JAK1: variants seen among roughly 807,000 people sequenced by gnomAD.
JAK1 encodes Janus kinase 1, also known as tyrosine-protein kinase JAK1.
Under a neutral mutation model 136.6 loss-of-function variants are expected in JAK1, and 16 were observed. The ratio of observed to expected loss-of-function variants is 0.12; its 90% CI spans 0.08 to 0.18. The LOEUF is 0.18. Ranked by LOEUF, JAK1 falls within the 10% of genes least tolerant of loss-of-function variation. The pLI is 1.00. For missense variants in JAK1, 859 were observed against 1,450.1 expected (o/e 0.59, Z 6.62); for synonymous variants, 492 against 519.5 (o/e 0.95, Z 0.72).
intron 1 of JAK1, among the ~76,000 whole-genome samples, chr1:64,899,738 T>C (rs920462401): frequency 6.6e-6 from 1 of 152,194 alleles, no homozygotes; most frequent in South Asian, 2.1e-4. Flanking sequence ...GCATTTCAGA[T>C]AGGGGATACT....
intron 1 of JAK1, among the ~76,000 whole-genome samples, chr1:64,913,714 AGGG>A (rs1464399786): frequency 6.1e-5 from 1 of 16,452 alleles, no homozygotes; most frequent in South Asian, 2.2e-3. Context: ...GAAGGGAGGG[AGGG>A]AGGGAGGGAG....
At chr1:64,856,572 A>G (rs1162391842) in intron 10 of JAK1, among the ~76,000 whole-genome samples, 1 of 152,196 alleles carries the variant, frequency 6.6e-6, no homozygotes, top group Non-Finnish European at 1.5e-5. Flanking sequence ...GCACAGGCCA[A>G]TTCCACTTCA....
intron 2 of JAK1, among the ~76,000 whole-genome samples, chr1:65,014,682 C>G (rs537652644): frequency 6.6e-6 from 1 of 151,100 alleles, no homozygotes; most frequent in Non-Finnish European, 1.5e-5. Flanking sequence ...ATCTATTATT[C>G]TATTCTTTTT....
intron 1 of JAK1, among the ~76,000 whole-genome samples, chr1:64,898,344 G>A (rs1645056035): frequency 6.6e-6 from 1 of 152,160 alleles, no homozygotes; most frequent in East Asian, 1.9e-4. Context: ...CTTGTCCTTG[G>A]ATAAAAGGGA....
chr1:64,930,377 G>C (rs540853030), intron 1 of JAK1, among the ~76,000 whole-genome samples: 1 of 152,194 alleles, frequency 6.6e-6, no homozygotes, highest in East Asian at 1.9e-4. Flanking sequence ...ACATTTATGT[G>C]GCCAACAAAC....
intron 1 of JAK1, among the ~76,000 whole-genome samples, chr1:64,902,583 A>AGAGAGAGTGTGTGTGTGTGT: frequency 5.7e-4 from 42 of 73,792 alleles, no homozygotes; most frequent in Admixed American, 2.1e-3. Flanking sequence ...AGAGAGAGAG[A>AGAGAGAGTGTGTGTGTGTGT]GTGTGTGTGT....
chr1:64,920,279 T>A (rs116216001), intron 1 of JAK1, among the ~76,000 whole-genome samples: 3 of 152,274 alleles, frequency 2.0e-5, no homozygotes, highest in Non-Finnish European at 4.4e-5. Flanking sequence ...TGGTGGCACA[T>A]GTGTCATCCT....
intron 1 of JAK1, chr1:65,058,322 C>CA (rs1647639796): frequency 2.0e-6 from 1 of 506,338 alleles, no homozygotes; most frequent in Admixed American, 2.2e-5. Flanking sequence ...AGAAGTATGA[C>CA]AGAGGTGCAG....
intron 1 of JAK1, among the ~76,000 whole-genome samples, chr1:64,909,264 G>A (rs114411486): frequency 0.019 from 2,844 of 152,278 alleles, 52 homozygotes; most frequent in Non-Finnish European, 0.031. Flanking sequence ...TGCTGACAGG[G>A]AAGCTGGCAC....
At chr1:64,856,088 A>G (rs1277175482) in intron 10 of JAK1, among the ~76,000 whole-genome samples, 1 of 152,198 alleles carries the variant, frequency 6.6e-6, no homozygotes, top group African/African-American at 2.4e-5. Flanking sequence ...AGTCCAGCAG[A>G]TATTATATAT....
chr1:64,897,074 T>C (rs533576177), intron 1 of JAK1, among the ~76,000 whole-genome samples: 4 of 151,780 alleles, frequency 2.6e-5, no homozygotes, highest in African/African-American at 7.3e-5. Context: ...ACAAACAGGA[T>C]GAAAACAGGA....
intron 1 of JAK1, among the ~76,000 whole-genome samples, chr1:65,062,678 C>T (rs1393088685): frequency 6.6e-6 from 1 of 152,216 alleles, no homozygotes; most frequent in Non-Finnish European, 1.5e-5. Context: ...TCATTAAGTG[C>T]TGTGTTGTAT....
intron 1 of JAK1, among the ~76,000 whole-genome samples, chr1:64,965,773 C>A (rs994982964): frequency 6.6e-6 from 1 of 152,140 alleles, no homozygotes; most frequent in East Asian, 1.9e-4. Flanking sequence ...GGGGAGGGGG[C>A]GTTTCCCGAG....
At chr1:64,913,965 T>C (rs1180266407) in intron 1 of JAK1, among the ~76,000 whole-genome samples, 2 of 151,786 alleles carry the variant, frequency 1.3e-5, no homozygotes, top group East Asian at 3.9e-4. Context: ...CACTGGAGGG[T>C]GCGTTGGGGG....
At chr1:64,926,287 G>A (rs758207601) in intron 1 of JAK1, among the ~76,000 whole-genome samples, 1 of 151,764 alleles carries the variant, frequency 6.6e-6, no homozygotes, top group African/African-American at 2.4e-5. Context: ...TCACCTGATG[G>A]TGCAGAGGAA....
At chr1:65,001,775 ATG>A (rs1388422513) in intron 2 of JAK1, among the ~76,000 whole-genome samples, 5 of 150,816 alleles carry the variant, frequency 3.3e-5, no homozygotes, top group African/African-American at 4.9e-5. Flanking sequence ...AGTGTGTGGT[ATG>A]TGTGTTTGAG....
At chr1:64,846,538 A>G in intron 14 of JAK1, 111 bp downstream of exon 14, 1 of 755,788 alleles carries the variant, frequency 1.3e-6, no homozygotes, top group South Asian at 1.6e-5. Flanking sequence ...AACTGCAAAA[A>G]GAAAGGCAAG....
chr1:65,059,207 C>T (rs1647684405), intron 1 of JAK1, among the ~76,000 whole-genome samples: 2 of 151,860 alleles, frequency 1.3e-5, no homozygotes, highest in African/African-American at 4.8e-5. Context: ...TATGGCGAAC[C>T]CATGTCCAGA....
intron 1 of JAK1, among the ~76,000 whole-genome samples, chr1:64,913,138 C>G (rs1178314397): frequency 1.3e-5 from 2 of 152,200 alleles, no homozygotes; most frequent in African/African-American, 4.8e-5. Context: ...CCTCCCACCT[C>G]AACGTCCAGA....
Sources: allele counts gnomAD v4.1 joint callset (sites outside exome capture counted in the v4.1 genomes callset), GRCh38; gene constraint gnomAD v4.1.1; transcripts MANE v1.5; gene names NCBI Gene and HGNC (gene_info 2026-07-23, HGNC 2026-07-21).